EYS: variants seen among roughly 807,000 people sequenced by gnomAD.
EYS encodes protein eyes shut homolog.
In EYS, 250 loss-of-function variants were observed where a neutral mutation model predicts 282.1. The observed-to-expected ratio is 0.89, with a 90% CI of 0.80 to 0.98. The LOEUF is 0.98. EYS is among the 50% of genes least tolerant of loss of function. The pLI, the probability that EYS is intolerant of heterozygous loss-of-function variation, is 0.00. For synonymous variants in EYS, 1,355 were observed against 1,282.9 expected, an observed-to-expected ratio of 1.06 and a Z score of -1.20; for missense variants, 4,016 against 3,709.0, an observed-to-expected ratio of 1.08 and a Z score of -2.15.
At chr6:65,148,082 T>C (rs1457710427) in intron 12 of EYS, among the ~76,000 whole-genome samples, 1 of 151,984 alleles carries the variant, frequency 6.6e-6, no homozygotes, top group Non-Finnish European at 1.5e-5. Flanking sequence ...AGGCAAACCA[T>C]GTCATTCCAC....
chr6:64,803,811 C>A (rs548708817), intron 22 of EYS, among the ~76,000 whole-genome samples: 3 of 152,318 alleles, frequency 2.0e-5, no homozygotes, highest in East Asian at 3.9e-4. Context: ...TTGGCCTCAA[C>A]CTTGCTCCAA....
chr6:65,228,412 T>G (rs1562035794), intron 12 of EYS, among the ~76,000 whole-genome samples: 1 of 152,010 alleles, frequency 6.6e-6, no homozygotes, highest in Non-Finnish European at 1.5e-5. Context: ...ATGCAAGACC[T>G]ACACATTTAA....
intron 13 of EYS, among the ~76,000 whole-genome samples, chr6:65,043,693 T>C (rs571419721): frequency 8.5e-4 from 128 of 151,466 alleles, no homozygotes; most frequent in Admixed American, 5.9e-4. Flanking sequence ...GTTCTCCCTA[T>C]AGGTTAATCA....
chr6:65,553,696 T>C (rs927238381), intron 2 of EYS, among the ~76,000 whole-genome samples: 3 of 151,804 alleles, frequency 2.0e-5, no homozygotes, highest in African/African-American at 7.3e-5. Context: ...ACCTTAATAA[T>C]CTTTTATAAA....
intron 11 of EYS, among the ~76,000 whole-genome samples, chr6:65,302,275 A>G (rs185117479): frequency 1.3e-5 from 2 of 152,292 alleles, no homozygotes; most frequent in Admixed American, 6.5e-5. Context: ...TTTCTGCTTC[A>G]TTATTATTAA....
intron 31 of EYS, among the ~76,000 whole-genome samples, chr6:64,145,554 C>A (rs894385752): frequency 6.6e-6 from 1 of 152,124 alleles, no homozygotes; most frequent in Non-Finnish European, 1.5e-5. Context: ...ATCACAAGTG[C>A]CAAATGAATA....
At chr6:64,739,147 T>C (rs1012630594) in intron 22 of EYS, among the ~76,000 whole-genome samples, 34 of 152,308 alleles carry the variant, frequency 2.2e-4, no homozygotes, top group African/African-American at 7.7e-4. Flanking sequence ...TCAAATACTC[T>C]TTTTCATCAT....
chr6:64,581,704 G>C (rs558496164), intron 26 of EYS, among the ~76,000 whole-genome samples: 3 of 152,064 alleles, frequency 2.0e-5, no homozygotes, highest in African/African-American at 7.2e-5. Context: ...ATGCCCTTAC[G>C]TTGTACTCGA....
chr6:65,504,207 T>A (rs1302732569), intron 2 of EYS, among the ~76,000 whole-genome samples: 1 of 144,694 alleles, frequency 6.9e-6, no homozygotes, highest in Admixed American at 7.2e-5. Context: ...TTTTGGATAC[T>A]ATTACAAATG....
chr6:63,855,366 T>C (rs867015761), intron 36 of EYS, among the ~76,000 whole-genome samples: 22 of 152,254 alleles, frequency 1.4e-4, no homozygotes, highest in African/African-American at 5.1e-4. Context: ...GCCTAGCTTA[T>C]GGGTATCTTA....
chr6:63,836,349 T>C (rs1771804829), intron 36 of EYS, among the ~76,000 whole-genome samples: 1 of 151,900 alleles, frequency 6.6e-6, no homozygotes, highest in Non-Finnish European at 1.5e-5. Flanking sequence ...AAAAATTTGG[T>C]AAAATATTTG....
chr6:64,339,397 C>G (rs1464707255), intron 29 of EYS, among the ~76,000 whole-genome samples: 1 of 151,864 alleles, frequency 6.6e-6, no homozygotes, highest in Non-Finnish European at 1.5e-5. Flanking sequence ...CACTAATGAT[C>G]AGGGTAATGC....
At chr6:65,251,031 TAAC>T (rs915630294) in intron 12 of EYS, among the ~76,000 whole-genome samples, 8 of 52,736 alleles carry the variant, frequency 1.5e-4, no homozygotes, top group Admixed American at 7.2e-4. Context: ...AAAATATAAA[TAAC>T]AACAGAAAAA....
chr6:64,266,870 AG>A (rs947672853), intron 30 of EYS, among the ~76,000 whole-genome samples: 1 of 152,186 alleles, frequency 6.6e-6, no homozygotes, highest in Admixed American at 6.6e-5. Context: ...AAAAGAAGTT[AG>A]AAGGGTTAGA....
chr6:64,872,027 A>G (rs1293198650), intron 19 of EYS, among the ~76,000 whole-genome samples: 1 of 152,082 alleles, frequency 6.6e-6, no homozygotes, highest in Non-Finnish European at 1.5e-5. Context: ...GGGAGTGGAT[A>G]TATTAAAGAT....
intron 19 of EYS, among the ~76,000 whole-genome samples, chr6:64,834,358 A>G (rs190523318): frequency 1.0e-3 from 154 of 152,012 alleles, no homozygotes; most frequent in African/African-American, 3.6e-3. Flanking sequence ...ATTCATTTCT[A>G]GTTGCTACTA....
chr6:65,613,605 C>T (rs555937212), intron 2 of EYS, among the ~76,000 whole-genome samples: 1 of 151,872 alleles, frequency 6.6e-6, no homozygotes, highest in African/African-American at 2.4e-5. Flanking sequence ...TAAATATGTA[C>T]ACAAGTAAAT....
At chr6:64,443,240 G>T (rs548425463) in intron 26 of EYS, among the ~76,000 whole-genome samples, 1 of 152,272 alleles carries the variant, frequency 6.6e-6, no homozygotes, top group Admixed American at 6.5e-5. Flanking sequence ...CATGGGACCT[G>T]TAGCTACTTG....
At chr6:64,974,358 C>T (rs9342454) in intron 14 of EYS, among the ~76,000 whole-genome samples, 11,735 of 151,362 alleles carry the variant, frequency 0.078, 493 homozygotes, top group East Asian at 0.13. Flanking sequence ...GTGATTCAAA[C>T]GGTCATTTTT....
Sources: gnomAD v4.1 joint callset for allele counts (sites outside exome capture counted in the v4.1 genomes callset) on GRCh38, gnomAD v4.1.1 for gene constraint, MANE v1.5 for transcripts, NCBI Gene and HGNC (gene_info 2026-07-23, HGNC 2026-07-21) for gene names.